Variants in CNOT6L observed in about 807,000 individuals in gnomAD.
CNOT6L encodes the protein CCR4-NOT transcription complex subunit 6 like, also known as CCR4-NOT transcription complex subunit 6-like.
In CNOT6L, 7 loss-of-function variants were observed where a neutral mutation model predicts 64.0. The ratio of observed to expected loss-of-function variants is 0.11; its 90% CI spans 0.06 to 0.21. The LOEUF is 0.21. CNOT6L is among the 10% of genes least tolerant of loss of function. CNOT6L has a pLI of 1.00. For missense variants in CNOT6L, 245 were observed against 669.0 expected (o/e 0.37, Z 6.99); for synonymous variants, 193 against 243.4 (o/e 0.79, Z 1.93).
chr4:77,801,689 T>C (rs376280528), intron 1 of CNOT6L, among the ~76,000 whole-genome samples: 1 of 12,362 alleles, frequency 8.1e-5, no homozygotes, highest in Non-Finnish European at 1.8e-4. Context: ...AAGATAAAAA[T>C]TGGGGGGGGG....
chr4:77,783,522 A>T (rs566708017), intron 1 of CNOT6L, among the ~76,000 whole-genome samples: 1 of 152,310 alleles, frequency 6.6e-6, no homozygotes, highest in African/African-American at 2.4e-5. Flanking sequence ...CACTACTCTA[A>T]AATAAGTAGA....
chr4:77,768,472 TAA>T (rs1450071875), intron 4 of CNOT6L, among the ~76,000 whole-genome samples: 43 of 2,838 alleles, frequency 0.015, 1 homozygote, highest in South Asian at 0.027. Flanking sequence ...CTAAAATAAA[TAA>T]ATATATATAT....
rs768103297 is a variant in CNOT6L, at chr4:77,819,110, G to T, written c.5+194C>A. ...TTCGCCCGCCTCTGAAGAGACGCGG[G>T]TCAGCCCCGCCGCCCCCTCCAGTCA... On this transcript the variant is annotated intron_variant, in intron 1 of 11. Transcript: ENST00000504123. 8 of 997,044 alleles carry T rather than the reference G, an allele frequency of 8.0e-6. No individual in the cohort carries two copies. The African/African-American group carries it at 9.4e-5, about 12-fold the overall frequency. 61.8% of individuals were successfully genotyped at this position (997,044 alleles called of 1,614,324 possible). A position where few individuals can be genotyped will look rare whatever the true frequency, so the allele number is the denominator to read the frequency against.
At chr4:77,724,737 A>G (rs528850139) in intron 11 of CNOT6L, among the ~76,000 whole-genome samples, 1 of 152,222 alleles carries the variant, frequency 6.6e-6, no homozygotes, top group Non-Finnish European at 1.5e-5. Context: ...CAGAATTACT[A>G]AACACTTATT....
At chr4:77,819,075 C>G in intron 1 of CNOT6L, 1 of 731,586 alleles carries the variant, frequency 1.4e-6, no homozygotes, top group Middle Eastern at 3.3e-4. Context: ...CACACACACA[C>G]CCCGGAACCT....
chr4:77,754,956 T>C (rs1725348839), intron 5 of CNOT6L, among the ~76,000 whole-genome samples: 1 of 135,754 alleles, frequency 7.4e-6, no homozygotes, highest in Admixed American at 7.9e-5. Flanking sequence ...TTCATGATCT[T>C]GTGGTATCAA....
chr4:77,819,552 G>C (rs1307907483), upstream of CNOT6L: 1 of 456,170 alleles, frequency 2.2e-6, no homozygotes, highest in African/African-American at 2.2e-5. Flanking sequence ...CAGGGAACCC[G>C]GGCCCGGGGT....
At chr4:77,721,786 CATA>C (rs1474204586) in intron 11 of CNOT6L, among the ~76,000 whole-genome samples, 1 of 151,908 alleles carries the variant, frequency 6.6e-6, no homozygotes, top group African/African-American at 2.4e-5. Flanking sequence ...GCCTGGTAAA[CATA>C]ATGAGACCCA....
intron 1 of CNOT6L, among the ~76,000 whole-genome samples, chr4:77,805,780 C>T (rs1732145053): frequency 1.3e-5 from 2 of 152,230 alleles, no homozygotes; most frequent in Admixed American, 1.3e-4. Context: ...CAGCCTTCTC[C>T]AGACTGAAGA....
At chr4:77,785,628 C>T (rs987895499) in intron 1 of CNOT6L, among the ~76,000 whole-genome samples, 5 of 151,978 alleles carry the variant, frequency 3.3e-5, no homozygotes, top group Admixed American at 1.3e-4. Context: ...AGAAGATACA[C>T]GGATAGCAAA....
At chr4:77,789,195 C>T (rs975235667) in intron 1 of CNOT6L, among the ~76,000 whole-genome samples, 1 of 152,038 alleles carries the variant, frequency 6.6e-6, no homozygotes, top group Non-Finnish European at 1.5e-5. Flanking sequence ...AATCATACAG[C>T]TCTTAGTCAA....
At chr4:77,720,820 T>C (rs1721197354) in intron 11 of CNOT6L, among the ~76,000 whole-genome samples, 177 bp from the exon 12 acceptor site, 1 of 152,166 alleles carries the variant, frequency 6.6e-6, no homozygotes, top group Non-Finnish European at 1.5e-5. Context: ...GGTGGCTCAA[T>C]AGGGAAACAC....
In CNOT6L at chr4:77,784,343, A is replaced by G. The variant is rs367626002; in HGVS notation, c.6-7951T>C. The stretch of plus-strand genomic sequence containing the variant: ...TTTCAAAAATAATGCTACTATAGAC[A>G]TGTTTCATTTTATTTCATTATCAAT... On this transcript the variant is annotated intron_variant, in intron 1 of 11. Coordinates refer to ENST00000504123, the MANE Select transcript of CNOT6L (RefSeq NM_144571.3). 3.3e-5 allele frequency among the ~76,000 whole-genome samples: 5 copies of G among 152,104 alleles called. No homozygotes were observed. In the East Asian group the frequency reaches 7.7e-4, roughly 23 times the overall value.
intron 1 of CNOT6L, among the ~76,000 whole-genome samples, chr4:77,817,220 T>TG (rs912828626): frequency 2.6e-5 from 4 of 151,708 alleles, no homozygotes; most frequent in African/African-American, 9.7e-5. Context: ...TTTGAAAATA[T>TG]GAAAAAAAAA....
In CNOT6L at chr4:77,720,277, T is replaced by G. The variant is rs941769037; in HGVS notation, c.*154A>C. The G allele has an allele frequency of 3.4e-5, 25 of 744,716 alleles. No homozygotes were observed. Among genetic ancestry groups the G allele is most frequent in the Non-Finnish European group, 5.0e-5 (23 of 463,018 alleles). 46.1% of individuals were successfully genotyped at this position (744,716 alleles called of 1,614,324 possible). On this transcript the variant is annotated 3_prime_UTR_variant, in exon 12 of 12. Coordinates refer to ENST00000504123, the MANE Select transcript of CNOT6L (RefSeq NM_144571.3). ...GCCCTACTGCCAAATGATACCAATA[T>G]GCACAAAAATGTACAAAGTCTTACA...
chr4:77,774,842 A>G (rs1343924966), intron 2 of CNOT6L, 126 bp from the exon 3 acceptor site: 1 of 567,722 alleles, frequency 1.8e-6, no homozygotes, highest in Non-Finnish European at 2.9e-6. Flanking sequence ...TGACATTTTA[A>G]TTTTTTATTT....
At chr4:77,817,576 G>A (rs1261612760) in intron 1 of CNOT6L, among the ~76,000 whole-genome samples, 1 of 152,140 alleles carries the variant, frequency 6.6e-6, no homozygotes, top group Non-Finnish European at 1.5e-5. Flanking sequence ...ATAAAACTGT[G>A]GCTTATAGAT....
At chr4:77,764,529 C>T (rs1440147515) in intron 4 of CNOT6L, among the ~76,000 whole-genome samples, 4 of 151,986 alleles carry the variant, frequency 2.6e-5, no homozygotes, top group East Asian at 1.9e-4. Flanking sequence ...TTCACTTTAC[C>T]GTATGGATTT....
chr4:77,721,774 C>CA (rs2109851701), intron 11 of CNOT6L, among the ~76,000 whole-genome samples: 1 of 152,088 alleles, frequency 6.6e-6, no homozygotes, highest in African/African-American at 2.4e-5. Context: ...AGTTCAAGAC[C>CA]AGCCTGGTAA....
Sources: gnomAD v4.1 joint callset for allele counts (sites outside exome capture counted in the v4.1 genomes callset) on GRCh38, gnomAD v4.1.1 for gene constraint, MANE v1.5 for transcripts, NCBI Gene and HGNC (gene_info 2026-07-23, HGNC 2026-07-21) for gene names.